The following PCDHA10 variants were observed in gnomAD, a reference collection of about 807,000 sequenced individuals.
PCDHA10 encodes the protein protocadherin alpha 10.
In PCDHA10, 45 loss-of-function variants were observed where a neutral mutation model predicts 61.2. The observed-to-expected ratio is 0.74, with a 90% confidence interval of 0.58 to 0.94. PCDHA10 has a LOEUF of 0.94. Among genes scored for constraint, PCDHA10 ranks in the 40% least tolerant of loss-of-function variants. PCDHA10 has a pLI of 0.00. For missense variants in PCDHA10, 1,278 were observed against 1,236.2 expected (o/e 1.03, Z -0.51); for synonymous variants, 602 against 548.8 (o/e 1.10, Z -1.35).
Position 140,920,894 on chromosome 5 carries a change from T to G in PCDHA10, c.2389-58055T>G, listed in dbSNP as rs114918834. Among the ~76,000 whole-genome samples the G allele has an allele frequency of 2.6e-3, 390 of 151,496 alleles. 2 individuals carry two copies. The highest frequency in any genetic ancestry group is 9.2e-3 in the African/African-American group (379 of 41,284). Reference sequence around the variant, plus strand: ...GTGGCCCTTAGAACTTAAAGTCATATTTTGGTTCTCAAATCAGTTCCAAGA... The same window carrying G: ...GTGGCCCTTAGAACTTAAAGTCATAGTTTGGTTCTCAAATCAGTTCCAAGA... On this transcript the variant is annotated intron_variant, in intron 1 of 3. Coordinates refer to ENST00000307360, the MANE Select transcript of PCDHA10 (RefSeq NM_018901.4).
chr5:140,927,068 C>T, intron 1 of PCDHA10: 1 of 1,611,218 alleles, frequency 6.2e-7, no homozygotes, highest in Non-Finnish European at 8.5e-7. Context: ...CGCTTCCTTT[C>T]CAGCCACCGC....
intron 1 of PCDHA10, chr5:140,875,323 A>G: frequency 2.1e-6 from 3 of 1,427,940 alleles, no homozygotes; most frequent in South Asian, 3.2e-5. Flanking sequence ...CCAATCATTC[A>G]CGGAATAGGA....
At chr5:140,969,501 A>G (rs2096338220) in intron 1 of PCDHA10, 20 of 1,431,968 alleles carry the variant, frequency 1.4e-5, no homozygotes, top group Non-Finnish European at 1.9e-5. Context: ...CTCTCTAGAA[A>G]AATAGCACTA....
chr5:140,898,765 G>C (rs1336398509), intron 1 of PCDHA10, among the ~76,000 whole-genome samples: 1 of 151,640 alleles, frequency 6.6e-6, no homozygotes, highest in African/African-American at 2.4e-5. Context: ...CATTGAATCT[G>C]TAAATTACCT....
At chr5:140,867,346 ATGAT>A (rs1302874220) in intron 1 of PCDHA10, 5 of 152,256 alleles carry the variant, frequency 3.3e-5, no homozygotes, top group East Asian at 1.9e-4. Context: ...AGAGGCTACT[ATGAT>A]TGATTATTTT....
intron 1 of PCDHA10, among the ~76,000 whole-genome samples, chr5:140,912,358 T>G (rs2075885370): frequency 1.4e-5 from 2 of 146,130 alleles, no homozygotes; most frequent in African/African-American, 2.6e-5. Flanking sequence ...TTTTTTTTTT[T>G]GCAGCTGTTG....
chr5:140,899,056 G>C (rs1370417194), intron 1 of PCDHA10, among the ~76,000 whole-genome samples: 14 of 152,060 alleles, frequency 9.2e-5, no homozygotes, highest in Non-Finnish European at 2.9e-5. Flanking sequence ...CTGAGACTTT[G>C]CTGAAGTTGC....
At chr5:140,866,764 G>A (rs2049554706) in intron 1 of PCDHA10, 1 of 152,110 alleles carries the variant, frequency 6.6e-6, no homozygotes, top group Non-Finnish European at 1.5e-5. Flanking sequence ...GGACATACAG[G>A]CAGATTGTAT....
intron 1 of PCDHA10, chr5:140,868,434 C>A (rs1581841717): frequency 6.6e-6 from 1 of 152,092 alleles, no homozygotes; most frequent in East Asian, 1.9e-4. Context: ...GAGAATAGAT[C>A]ATGTGGAACA....
At chr5:140,970,953 G>A (rs975435719) in intron 1 of PCDHA10, among the ~76,000 whole-genome samples, 16 of 152,110 alleles carry the variant, frequency 1.1e-4, no homozygotes, top group South Asian at 4.1e-4. Flanking sequence ...AGAAACCATG[G>A]GAGGCAGATT....
At chr5:140,961,887 G>GTTT (rs35680913) in intron 1 of PCDHA10, among the ~76,000 whole-genome samples, 3 of 143,936 alleles carry the variant, frequency 2.1e-5, no homozygotes, top group Non-Finnish European at 3.1e-5. Context: ...ACTTACATCA[G>GTTT]TTTTTTTTTT....
At chr5:140,924,681 G>T (rs558083953) in intron 1 of PCDHA10, among the ~76,000 whole-genome samples, 1 of 152,180 alleles carries the variant, frequency 6.6e-6, no homozygotes, top group East Asian at 1.9e-4. Flanking sequence ...AATCACTTGA[G>T]GTCAGGAGTT....
At chr5:140,882,080 C>A in intron 1 of PCDHA10, 1 of 970,966 alleles carries the variant, frequency 1.0e-6, no homozygotes, top group Non-Finnish European at 1.5e-6. Flanking sequence ...CATGGTGTCG[C>A]TCTTCACTGA....
intron 1 of PCDHA10, chr5:140,864,893 T>C (rs1554159192): frequency 1.3e-5 from 2 of 152,194 alleles, no homozygotes; most frequent in South Asian, 2.1e-4. Flanking sequence ...TTAAGCTGCA[T>C]GGTCTTCAGA....
At chr5:140,891,681 C>T (rs1021117286) in intron 1 of PCDHA10, among the ~76,000 whole-genome samples, 1 of 152,150 alleles carries the variant, frequency 6.6e-6, no homozygotes, top group African/African-American at 2.4e-5. Flanking sequence ...TAATAATTCT[C>T]TCTTCTTGCT....
chr5:140,869,211 G>C (rs375218342), intron 1 of PCDHA10: 26 of 1,613,838 alleles, frequency 1.6e-5, no homozygotes, highest in African/African-American at 1.5e-4. Flanking sequence ...ACTCCGTCTC[G>C]GAGGAGGCCA....
In PCDHA10 at chr5:140,926,779, C is replaced by T. The variant is rs1262086128; in HGVS notation, c.2389-52170C>T. 8 of 1,398,696 alleles carry T rather than the reference C, an allele frequency of 5.7e-6. No individual in the cohort carries two copies. In the South Asian group the frequency reaches 1.2e-4, roughly 21 times the overall value. 86.6% of individuals were successfully genotyped at this position (1,398,696 alleles called of 1,614,324 possible). A position where few individuals can be genotyped will look rare whatever the true frequency, so the allele number is the denominator to read the frequency against. On this transcript the variant is annotated intron_variant, in intron 1 of 3. Transcript: ENST00000307360. ...CTGAGTATCCAGCCCGCAGCAGTGACGGCCGGCAGGAGCGTGCTCTTCCCC... is the reference window on the plus strand; with the variant it reads ...CTGAGTATCCAGCCCGCAGCAGTGATGGCCGGCAGGAGCGTGCTCTTCCCC...
chr5:140,962,143 G>C (rs964011627), intron 1 of PCDHA10, among the ~76,000 whole-genome samples: 1 of 151,968 alleles, frequency 6.6e-6, no homozygotes, highest in Non-Finnish European at 1.5e-5. Flanking sequence ...CCAAAGTGCT[G>C]GGATTACAGG....
chr5:140,874,334 C>A (rs2153310267), intron 1 of PCDHA10, among the ~76,000 whole-genome samples: 1 of 152,166 alleles, frequency 6.6e-6, no homozygotes, highest in South Asian at 2.1e-4. Context: ...CTGTTTTTTT[C>A]TCTTAAAGCT....
Sources: allele counts gnomAD v4.1 joint callset (sites outside exome capture counted in the v4.1 genomes callset), GRCh38; gene constraint gnomAD v4.1.1; transcripts MANE v1.5; gene names NCBI Gene and HGNC (gene_info 2026-07-23, HGNC 2026-07-21).